PTPRK: variants seen among roughly 807,000 people sequenced by gnomAD.
PTPRK encodes receptor-type tyrosine-protein phosphatase kappa.
Under a neutral mutation model 178.0 loss-of-function variants are expected in PTPRK, and 75 were observed. The observed-to-expected ratio is 0.42, with a 90% CI of 0.35 to 0.51. PTPRK has a LOEUF of 0.51. Ranked by LOEUF, PTPRK falls within the 20% of genes least tolerant of loss-of-function variation. The pLI is 0.02. For missense variants in PTPRK, 1,441 were observed against 1,797.8 expected (o/e 0.80, Z 3.59); for synonymous variants, 637 against 620.6 (o/e 1.03, Z -0.39).
chr6:128,183,132 A>T (rs1046993981), intron 7 of PTPRK, among the ~76,000 whole-genome samples: 3 of 152,122 alleles, frequency 2.0e-5, no homozygotes, highest in African/African-American at 7.2e-5. Context: ...TTAGCATGGG[A>T]TATTAATTTT....
At chr6:128,504,774 T>G (rs1486814488) in intron 1 of PTPRK, among the ~76,000 whole-genome samples, 1 of 152,188 alleles carries the variant, frequency 6.6e-6, no homozygotes, top group Non-Finnish European at 1.5e-5. Context: ...TGGTTAAAAT[T>G]TATGGTTTCT....
intron 1 of PTPRK, among the ~76,000 whole-genome samples, chr6:128,482,245 T>C (rs2128424463): frequency 6.6e-6 from 1 of 152,260 alleles, no homozygotes; most frequent in African/African-American, 2.4e-5. Context: ...GGCTATAATA[T>C]CCACCCAAGC....
At chr6:128,502,644 G>A (rs951961556) in intron 1 of PTPRK, among the ~76,000 whole-genome samples, 1 of 151,806 alleles carries the variant, frequency 6.6e-6, no homozygotes, top group African/African-American at 2.4e-5. Context: ...GAATTTTGTG[G>A]GCCAGTTATT....
rs575931661 is a variant in PTPRK, at chr6:128,169,484, A to G, written c.1162+14948T>C. 6.6e-5 allele frequency among the ~76,000 whole-genome samples: 10 copies of G among 152,084 alleles called. No individual in the cohort carries two copies. The South Asian group carries it at 2.1e-3, about 32-fold the overall frequency. On this transcript the variant is annotated intron_variant, in intron 7 of 29. Transcript: ENST00000368226. ...TCTTTCTGGTAAATTTTCTCTTTTAAAAGTATTTATTTTTACCAATGAAAT... is the reference window on the plus strand; with the variant it reads ...TCTTTCTGGTAAATTTTCTCTTTTAGAAGTATTTATTTTTACCAATGAAAT...
chr6:127,994,988 CA>C (rs1776979104), intron 18 of PTPRK, among the ~76,000 whole-genome samples: 1 of 151,878 alleles, frequency 6.6e-6, no homozygotes, highest in African/African-American at 2.4e-5. Context: ...CAGAAATCAT[CA>C]ACAAATAAAA....
chr6:128,009,299 GAAAGAAGCT>G, intron 13 of PTPRK, 31 bp from the exon 14 acceptor site: 1 of 1,584,764 alleles, frequency 6.3e-7, no homozygotes, highest in East Asian at 2.3e-5. Flanking sequence ...ATCAGTTACT[GAAAGAAGCT>G]AATAATCACA....
At chr6:128,097,685 T>C (rs1488117030) in intron 7 of PTPRK, among the ~76,000 whole-genome samples, 14 of 152,144 alleles carry the variant, frequency 9.2e-5, no homozygotes, top group Admixed American at 9.2e-4. Flanking sequence ...CTTCGATTCA[T>C]CTCTGATATT....
intron 3 of PTPRK, among the ~76,000 whole-genome samples, chr6:128,307,460 G>T (rs1185821426): frequency 7.5e-6 from 1 of 133,600 alleles, no homozygotes; most frequent in Admixed American, 7.4e-5. Context: ...TATTTGTAAA[G>T]TAAAAAAAAA....
intron 3 of PTPRK, among the ~76,000 whole-genome samples, chr6:128,290,115 C>T (rs1055373546): frequency 1.3e-5 from 2 of 152,116 alleles, no homozygotes; most frequent in African/African-American, 4.8e-5. Context: ...GAATCTTGTT[C>T]AGATGCGCTT....
intron 5 of PTPRK, among the ~76,000 whole-genome samples, chr6:128,231,088 T>A (rs1812214540): frequency 6.6e-6 from 1 of 152,204 alleles, no homozygotes; most frequent in South Asian, 2.1e-4. Context: ...GTAAATATGA[T>A]TAAACTTTCT....
At chr6:128,333,560 A>C (rs1355548386) in intron 2 of PTPRK, among the ~76,000 whole-genome samples, 8 of 152,196 alleles carry the variant, frequency 5.3e-5, no homozygotes, top group African/African-American at 1.9e-4. Context: ...AAATGCTAAC[A>C]ATCATCTGAG....
intron 3 of PTPRK, among the ~76,000 whole-genome samples, chr6:128,287,311 C>T (rs901003587): frequency 2.0e-5 from 3 of 152,152 alleles, no homozygotes; most frequent in Non-Finnish European, 4.4e-5. Context: ...AAGACCATGT[C>T]CGAAAACTCT....
At chr6:128,487,953 G>T (rs963021237) in intron 1 of PTPRK, among the ~76,000 whole-genome samples, 12 of 152,110 alleles carry the variant, frequency 7.9e-5, no homozygotes, top group African/African-American at 2.9e-4. Context: ...GAACTAATAG[G>T]ATAGTTGTAT....
At chr6:128,006,823 T>C (rs1011983363) in intron 14 of PTPRK, among the ~76,000 whole-genome samples, 1 of 150,954 alleles carries the variant, frequency 6.6e-6, no homozygotes, top group Non-Finnish European at 1.5e-5. Flanking sequence ...AATATCCCTT[T>C]TCTTAGCCTA....
chr6:128,315,111 A>G (rs1181954412), intron 3 of PTPRK, among the ~76,000 whole-genome samples: 3 of 152,162 alleles, frequency 2.0e-5, no homozygotes, highest in Non-Finnish European at 4.4e-5. Flanking sequence ...TAAGCCTTAC[A>G]TTACTAAAGT....
chr6:128,208,031 T>C (rs184361119), intron 6 of PTPRK, among the ~76,000 whole-genome samples: 7 of 152,184 alleles, frequency 4.6e-5, no homozygotes, highest in African/African-American at 1.4e-4. Flanking sequence ...TTCTCTGACA[T>C]CTCGCATTTC....
At chr6:128,353,747 T>C (rs950980895) in intron 2 of PTPRK, among the ~76,000 whole-genome samples, 66 of 152,282 alleles carry the variant, frequency 4.3e-4, no homozygotes, top group Non-Finnish European at 7.9e-4. Flanking sequence ...TACGAAAAGG[T>C]AGCCCAAGGG....
In PTPRK at chr6:128,005,193, C is replaced by A; in HGVS notation, c.2385G>T (p.Met795Ile). 1.2e-6 allele frequency: 2 copies of A among 1,611,568 alleles called. No individual in the cohort carries two copies. The highest frequency in any genetic ancestry group is 1.1e-5 in the South Asian group (1 of 90,980). The stretch of plus-strand genomic sequence containing the variant: ...GATCCATTGCATTCACCATGTGAGT[C>A]ATCTCCTGCCGGGTATTCCCCATGG... Reference protein sequence around the residue: ...KDAMGNTRQEMTHMVNAMDRS... With the variant: ...KDAMGNTRQEITHMVNAMDRS... Residue 795 changes from methionine to isoleucine, a missense_variant, in exon 15 of 30, where the codon ATG (methionine) becomes ATT (isoleucine). By Grantham distance (10) the Met-to-Ile change is conservative. Transcript: ENST00000368226.
rs1226359667 is a variant in PTPRK at position 128,020,109 on chromosome 6, C to A, written c.2195-10841G>T. Among the ~76,000 whole-genome samples the A allele has an allele frequency of 2.6e-5, 4 of 151,468 alleles. No individual in the cohort carries two copies. The East Asian group carries it at 7.7e-4, about 29-fold the overall frequency. On this transcript the variant is annotated intron_variant, in intron 13 of 29. Coordinates refer to ENST00000368226, the MANE Select transcript of PTPRK (RefSeq NM_002844.4). ...TTTGGGGAAGTAAAAAAAGAAATACCCTGGAAAGTAATGAGCTGGTTCACA... is the reference window on the plus strand; with the variant it reads ...TTTGGGGAAGTAAAAAAAGAAATACACTGGAAAGTAATGAGCTGGTTCACA...
Sources: gnomAD v4.1 joint callset for allele counts (sites outside exome capture counted in the v4.1 genomes callset) on GRCh38, gnomAD v4.1.1 for gene constraint, MANE v1.5 for transcripts, NCBI Gene and HGNC (gene_info 2026-07-23, HGNC 2026-07-21) for gene names.